Variants in CEP126 observed in about 807,000 individuals in gnomAD.
CEP126 encodes centrosomal protein 126.
Under a neutral mutation model 107.8 loss-of-function variants are expected in CEP126, and 74 were observed. The observed-to-expected ratio is 0.69, with a 90% confidence interval of 0.57 to 0.83. CEP126 has a LOEUF of 0.83. CEP126 is among the 40% of genes least tolerant of loss of function. CEP126 has a pLI of 0.00. For missense variants in CEP126, 1,237 were observed against 1,281.9 expected (o/e 0.96, Z 0.53); for synonymous variants, 449 against 446.0 (o/e 1.01, Z -0.08).
chr11:101,993,675 T>C (rs367620956), intron 10 of CEP126, among the ~76,000 whole-genome samples: 66 of 152,334 alleles, frequency 4.3e-4, no homozygotes, highest in African/African-American at 1.6e-3. Context: ...CCACCAGCAG[T>C]GTATAAGCAT....
chr11:101,931,438 CTTTGA>C (rs1940497980), intron 2 of CEP126, among the ~76,000 whole-genome samples: 1 of 152,024 alleles, frequency 6.6e-6, no homozygotes, highest in African/African-American at 2.4e-5. Context: ...ACACATGTTT[CTTTGA>C]CAGGCAATGA....
chr11:101,991,912 T>A (rs1330716429), intron 9 of CEP126, among the ~76,000 whole-genome samples: 3 of 152,184 alleles, frequency 2.0e-5, no homozygotes, highest in Non-Finnish European at 2.9e-5. Flanking sequence ...TCCTTGCAAT[T>A]AATATGTGCT....
At chr11:101,975,568 T>C (rs1265709513) in intron 6 of CEP126, among the ~76,000 whole-genome samples, 4 of 152,172 alleles carry the variant, frequency 2.6e-5, no homozygotes, top group Non-Finnish European at 5.9e-5. Flanking sequence ...TTAATTTCTT[T>C]TTTGTTGTTG....
chr11:101,981,589 G>A (rs547125818), intron 7 of CEP126, among the ~76,000 whole-genome samples: 7 of 152,238 alleles, frequency 4.6e-5, no homozygotes, highest in Admixed American at 1.3e-4. Context: ...CACCGTGTCA[G>A]CCTAATTAGC....
In CEP126 at chr11:101,962,512, A is replaced by G; in HGVS notation, c.1477A>G (p.Lys493Glu). 6.2e-7 allele frequency: 1 copy of G among 1,613,248 alleles called. No individual in the cohort carries two copies. The highest frequency in any genetic ancestry group is 8.5e-7 in the Non-Finnish European group (1 of 1,179,710). The change falls in exon 6 of 11, where the codon AAG becomes GAG. Residue 493 changes from lysine to glutamate, a missense_variant. Physicochemically the swap from Lys to Glu is moderately conservative, Grantham distance 56 (BLOSUM62 1). Transcript: ENST00000263468. ...KEIDAVQCSDKLDELKDGKEE... is the reference protein window; with the variant it reads ...KEIDAVQCSDELDELKDGKEE... ...AATTGATGCAGTGCAGTGTTCTGAT[A>G]AGTTAGATGAATTGAAAGATGGTAA...
intron 2 of CEP126, among the ~76,000 whole-genome samples, chr11:101,932,784 C>CT (rs1425679013): frequency 7.2e-5 from 11 of 152,214 alleles, no homozygotes; most frequent in African/African-American, 2.6e-4. Flanking sequence ...ACTGGAGTTT[C>CT]TTTACTTCCT....
At chr11:101,926,499 A>G (rs542147717) in intron 2 of CEP126, among the ~76,000 whole-genome samples, 106 of 152,374 alleles carry the variant, frequency 7.0e-4, no homozygotes, top group African/African-American at 2.5e-3. Flanking sequence ...AAGGAATAAA[A>G]TCAGAGGAGT....
chr11:101,989,274 T>C (rs1243390735), intron 9 of CEP126, among the ~76,000 whole-genome samples: 2 of 152,228 alleles, frequency 1.3e-5, no homozygotes, highest in African/African-American at 2.4e-5. Context: ...TTTATGTATC[T>C]ATCAGATTTT....
chr11:101,978,690 T>G (rs1941221036), intron 7 of CEP126, among the ~76,000 whole-genome samples: 1 of 152,250 alleles, frequency 6.6e-6, no homozygotes, highest in South Asian at 2.1e-4. Flanking sequence ...TTAAACCAAC[T>G]TTAAATCATT....
intron 2 of CEP126, among the ~76,000 whole-genome samples, chr11:101,933,449 T>G (rs1940530310): frequency 6.6e-6 from 1 of 152,148 alleles, no homozygotes; most frequent in Admixed American, 6.5e-5. Context: ...GTTCTTCCAC[T>G]TAATAGTTAT....
chr11:101,928,270 G>A (rs758429719), intron 2 of CEP126, among the ~76,000 whole-genome samples: 23 of 152,086 alleles, frequency 1.5e-4, no homozygotes, highest in Non-Finnish European at 2.9e-4. Flanking sequence ...CTAGTCCTTT[G>A]TCAGATATGT....
Position 101,958,189 on chromosome 11 carries a change from T to G in CEP126, c.528T>G (p.Pro176=). The G allele has an allele frequency of 6.2e-7, 1 of 1,613,878 alleles. No individual in the cohort carries two copies. The highest frequency in any genetic ancestry group is 1.1e-5 in the South Asian group (1 of 91,068). ...INWRAIDSAL[P]SALSKNDHKH... ...ACAGAGCTATAGATTCTGCCTTGCC[T>G]TCCGCATTATCAAAAAATGATCACA... The change falls in exon 5 of 11, where the codon CCT becomes CCG. Residue 176 remains proline, a synonymous_variant. Coordinates refer to ENST00000263468, the MANE Select transcript of CEP126 (RefSeq NM_020802.4).
At chr11:101,955,461 G>A (rs1940872823) in intron 4 of CEP126, among the ~76,000 whole-genome samples, 1 of 152,194 alleles carries the variant, frequency 6.6e-6, no homozygotes, top group Admixed American at 6.5e-5. Flanking sequence ...GAGCTGAGCA[G>A]TTATCTATTG....
At chr11:101,970,131 A>T (rs1032164755) in intron 6 of CEP126, among the ~76,000 whole-genome samples, 1 of 152,334 alleles carries the variant, frequency 6.6e-6, no homozygotes, top group South Asian at 2.1e-4. Flanking sequence ...AAGGCAAATC[A>T]CAGAGTGGGA....
intron 2 of CEP126, among the ~76,000 whole-genome samples, chr11:101,925,281 C>G (rs1415945700): frequency 6.6e-6 from 1 of 152,124 alleles, no homozygotes; most frequent in African/African-American, 2.4e-5. Flanking sequence ...TTGAGATACA[C>G]ACACAGAAAG....
chr11:101,991,177 AAAAT>A (rs372814089), intron 9 of CEP126, among the ~76,000 whole-genome samples: 10 of 152,034 alleles, frequency 6.6e-5, no homozygotes, highest in Non-Finnish European at 1.3e-4. Context: ...ACCCTGTCTC[AAAAT>A]AAATAAATAA....
rs1940750716 is a variant in CEP126 at position 101,947,367 on chromosome 11, G to A, written c.395-664G>A. 3.9e-5 allele frequency among the ~76,000 whole-genome samples: 6 copies of A among 152,198 alleles called. No individual in the cohort carries two copies. In the South Asian group the frequency reaches 1.2e-3, roughly 32 times the overall value. On this transcript the variant is annotated intron_variant, in intron 3 of 10. Transcript: ENST00000263468. ...GATGTCTCCATTTGAGAGGGTTGTA[G>A]GAGAAGACAATATTTAGAGAGAGAA...
At position 101,962,864 on chromosome 11, in the gene CEP126, G is replaced by C; in HGVS notation, c.1829G>C (p.Arg610Thr). 1 of 1,608,700 alleles carries C rather than the reference G, an allele frequency of 6.2e-7. No homozygotes were observed. The highest frequency in any genetic ancestry group is 1.1e-5 in the South Asian group (1 of 89,154). The change falls in exon 6 of 11, where the codon AGA (arginine) becomes ACA (threonine). Residue 610 changes from arginine to threonine, a missense_variant. Arg to Thr is a moderately conservative substitution (Grantham distance 71). Around this residue, in one of 3 missense-constraint regions of CEP126, gnomAD observed 1,134 missense variants for 1,150.5 expected, o/e 0.99. Transcript: ENST00000263468. ...GGAAATCAAAAAGCAGCAGCTATCA[G>C]AGATAGTATTGAATTAACAAAGGAA... ...KFGNQKAAAI[R>T]DSIELTKEKG...
At chr11:101,941,463 A>G (rs895630069) in intron 2 of CEP126, among the ~76,000 whole-genome samples, 3 of 152,190 alleles carry the variant, frequency 2.0e-5, no homozygotes, top group Admixed American at 6.5e-5. Flanking sequence ...TGTGTAGCAC[A>G]TGCCAGAATT....
Sources: allele counts gnomAD v4.1 joint callset (sites outside exome capture counted in the v4.1 genomes callset), GRCh38; gene constraint gnomAD v4.1.1; regional missense constraint gnomAD v4.1.1; transcripts MANE v1.5; gene names NCBI Gene and HGNC (gene_info 2026-07-23, HGNC 2026-07-21).